KCTD8: variants seen among roughly 807,000 people sequenced by gnomAD.
The protein encoded by KCTD8 is potassium channel tetramerization domain containing 8, also known as BTB/POZ domain-containing protein KCTD8.
A neutral mutation model predicts 31.5 loss-of-function variants in KCTD8; 27 were observed. The ratio of observed to expected loss-of-function variants is 0.86; its 90% CI spans 0.63 to 1.18. The LOEUF (loss-of-function observed/expected upper bound fraction) is 1.18. KCTD8 is among the 50% of genes most tolerant of loss of function. KCTD8 has a pLI of 0.00. For missense variants in KCTD8, 658 were observed against 647.7 expected (o/e 1.02, Z -0.17); for synonymous variants, 290 against 280.0 (o/e 1.04, Z -0.36).
At chr4:44,214,504 T>C (rs1048131880) in intron 1 of KCTD8, among the ~76,000 whole-genome samples, 7 of 152,236 alleles carry the variant, frequency 4.6e-5, no homozygotes, top group African/African-American at 1.7e-4. Flanking sequence ...CACAGCTTTG[T>C]ATTTTACCAG....
At chr4:44,314,114 C>T (rs970626316) in intron 1 of KCTD8, among the ~76,000 whole-genome samples, 2 of 152,144 alleles carry the variant, frequency 1.3e-5, no homozygotes, top group African/African-American at 4.8e-5. Context: ...ATTGGATATT[C>T]TCAGTCATGA....
chr4:44,425,651 C>T (rs756726615), intron 1 of KCTD8, among the ~76,000 whole-genome samples: 4 of 151,952 alleles, frequency 2.6e-5, no homozygotes, highest in Non-Finnish European at 5.9e-5. Flanking sequence ...CTGGTTATTA[C>T]TGACAAGATG....
In KCTD8 at chr4:44,338,404, A is replaced by G. The variant is rs528788144; in HGVS notation, c.961+109159T>C. Among the ~76,000 whole-genome samples, 152 of 152,346 alleles carry G rather than the reference A, an allele frequency of 1.0e-3. 1 individual carries two copies. The highest frequency in any genetic ancestry group is 3.6e-3 in the African/African-American group (149 of 41,602). ...AGTGAAGGTTTAACAGGTAAAGCTT[A>G]TATCTCTAGGAAAACTATTCAGTAA... On this transcript the variant is annotated intron_variant, in intron 1 of 1. Transcript: ENST00000360029.
At chr4:44,205,881 C>T (rs1369241804) in intron 1 of KCTD8, among the ~76,000 whole-genome samples, 1 of 151,998 alleles carries the variant, frequency 6.6e-6, no homozygotes, top group Non-Finnish European at 1.5e-5. Flanking sequence ...AATTATAGAC[C>T]CCCTTCCACT....
chr4:44,225,322 T>A (rs928301291), intron 1 of KCTD8, among the ~76,000 whole-genome samples: 4 of 152,236 alleles, frequency 2.6e-5, no homozygotes, highest in African/African-American at 9.6e-5. Flanking sequence ...GTCTTGTTAC[T>A]GCTACATGTA....
At chr4:44,288,507 G>A (rs1717168308) in intron 1 of KCTD8, among the ~76,000 whole-genome samples, 1 of 152,038 alleles carries the variant, frequency 6.6e-6, no homozygotes, top group Admixed American at 6.6e-5. Flanking sequence ...CTTTGAGTTT[G>A]ACATGGTTAT....
chr4:44,251,185 G>A (rs1226009830), intron 1 of KCTD8, among the ~76,000 whole-genome samples: 1 of 151,498 alleles, frequency 6.6e-6, no homozygotes, highest in Non-Finnish European at 1.5e-5. Context: ...TTTCCACTGA[G>A]ATATTTATGT....
intron 1 of KCTD8, 74 bp from the exon 2 acceptor site, chr4:44,175,324 T>A: frequency 1.2e-6 from 1 of 841,574 alleles, no homozygotes; most frequent in Non-Finnish European, 1.8e-6. Context: ...TTAAATGAAC[T>A]CTATATTTTC....
At chr4:44,261,716 T>G (rs1370953967) in intron 1 of KCTD8, among the ~76,000 whole-genome samples, 2 of 152,032 alleles carry the variant, frequency 1.3e-5, no homozygotes, top group Non-Finnish European at 2.9e-5. Context: ...CTTATTTTAC[T>G]TAACATAATA....
At chr4:44,363,798 C>A (rs756217874) in intron 1 of KCTD8, among the ~76,000 whole-genome samples, 4 of 152,018 alleles carry the variant, frequency 2.6e-5, no homozygotes, top group Non-Finnish European at 5.9e-5. Flanking sequence ...GTCTTGGTAT[C>A]AGTAACATGG....
chr4:44,179,438 AAT>A (rs1488727687), intron 1 of KCTD8, among the ~76,000 whole-genome samples: 1 of 150,452 alleles, frequency 6.6e-6, no homozygotes, highest in African/African-American at 2.4e-5. Flanking sequence ...AAGAACTTAA[AAT>A]AGTTATACAC....
chr4:44,241,052 C>T (rs1156660260), intron 1 of KCTD8, among the ~76,000 whole-genome samples: 1 of 152,168 alleles, frequency 6.6e-6, no homozygotes, highest in African/African-American at 2.4e-5. Flanking sequence ...TCTTTTAACC[C>T]TTGGTTTCAA....
At chr4:44,217,369 G>C (rs964969276) in intron 1 of KCTD8, among the ~76,000 whole-genome samples, 2 of 152,200 alleles carry the variant, frequency 1.3e-5, no homozygotes, top group Admixed American at 1.3e-4. Context: ...GACTGTCAAA[G>C]TGGTCTGTAG....
At chr4:44,206,237 T>C (rs1362733322) in intron 1 of KCTD8, among the ~76,000 whole-genome samples, 1 of 152,160 alleles carries the variant, frequency 6.6e-6, no homozygotes, top group East Asian at 1.9e-4. Flanking sequence ...GTTTGGACCC[T>C]AATTCATTAC....
intron 1 of KCTD8, among the ~76,000 whole-genome samples, chr4:44,277,132 T>C (rs1716773049): frequency 6.6e-6 from 1 of 151,860 alleles, no homozygotes; most frequent in Admixed American, 6.6e-5. Flanking sequence ...AAGTTATTAA[T>C]ATTCATGCTA....
chr4:44,404,174 C>T (rs539324026), intron 1 of KCTD8, among the ~76,000 whole-genome samples: 24 of 152,060 alleles, frequency 1.6e-4, no homozygotes, highest in Non-Finnish European at 4.4e-5. Context: ...CATTTTAACA[C>T]AAAATATCTG....
At chr4:44,438,850 C>T (rs915616986) in intron 1 of KCTD8, among the ~76,000 whole-genome samples, 9 of 152,168 alleles carry the variant, frequency 5.9e-5, no homozygotes, top group Non-Finnish European at 1.2e-4. Context: ...AATTGTGTCC[C>T]TGATACCATC....
chr4:44,391,249 C>T (rs1720362702), intron 1 of KCTD8, among the ~76,000 whole-genome samples: 2 of 151,836 alleles, frequency 1.3e-5, no homozygotes, highest in South Asian at 4.2e-4. Flanking sequence ...GATGGGTGCA[C>T]CAAAATCTCA....
chr4:44,398,161 T>C (rs1448946528), intron 1 of KCTD8, among the ~76,000 whole-genome samples: 1 of 152,188 alleles, frequency 6.6e-6, no homozygotes, highest in Admixed American at 6.5e-5. Flanking sequence ...GGAATTTATA[T>C]AGCTCAAGGC....
Sources: allele counts gnomAD v4.1 joint callset (sites outside exome capture counted in the v4.1 genomes callset), GRCh38; gene constraint gnomAD v4.1.1; transcripts MANE v1.5; gene names NCBI Gene and HGNC (gene_info 2026-07-23, HGNC 2026-07-21).